Variants in BCAT1 observed in about 807,000 individuals in gnomAD.
The protein encoded by BCAT1 is branched-chain-amino-acid aminotransferase, cytosolic.
BCAT1 carries 48 observed loss-of-function variants against 52.4 expected under a neutral mutation model. The ratio of observed to expected loss-of-function variants is 0.92; its 90% confidence interval spans 0.73 to 1.16. BCAT1 has a LOEUF of 1.16. Ranked by LOEUF, BCAT1 falls within the 50% of genes most tolerant of loss-of-function variation. BCAT1 has a pLI of 0.00. For synonymous variants in BCAT1, 167 were observed against 161.3 expected (o/e 1.04, Z -0.27); for missense variants, 451 against 457.1 (o/e 0.99, Z 0.12).
intron 6 of BCAT1, among the ~76,000 whole-genome samples, chr12:24,848,012 C>T (rs368976006): frequency 9.9e-5 from 15 of 152,234 alleles, no homozygotes; most frequent in African/African-American, 2.4e-4. Flanking sequence ...TAGGAGGAGA[C>T]GGCCCTAGAA....
intron 9 of BCAT1, among the ~76,000 whole-genome samples, chr12:24,831,229 C>T (rs1028923650): frequency 1.3e-5 from 2 of 152,152 alleles, no homozygotes; most frequent in Non-Finnish European, 2.9e-5. Context: ...TCGTAACTTA[C>T]TTTATTGTAA....
intron 8 of BCAT1, among the ~76,000 whole-genome samples, chr12:24,833,293 C>A (rs891669991): frequency 2.0e-5 from 3 of 152,034 alleles, no homozygotes; most frequent in African/African-American, 7.3e-5. Context: ...CTGAGGCAGG[C>A]AGATTACTTG....
At position 24,825,463 on chromosome 12, in the gene BCAT1, GTTTT is replaced by G. The variant is rs71448089; in HGVS notation, c.1119+4356_1119+4359del. ...ATCCTCCCAGCATCTGTTATTGCCT[GTTTT>G]TTTTTTTTTTTTTAATACAAGCCAT... is the stretch of plus-strand genomic sequence containing the variant. On this transcript the variant is annotated intron_variant, in intron 10 of 10. Coordinates refer to ENST00000261192, the MANE Select transcript of BCAT1 (RefSeq NM_005504.7). 3.6e-3 allele frequency among the ~76,000 whole-genome samples: 537 copies of G among 147,526 alleles called. 3 individuals are homozygous for G. Among genetic ancestry groups the G allele is most frequent in the African/African-American group, 0.013 (504 of 40,132 alleles).
At chr12:24,895,450 C>T (rs556032351) in intron 2 of BCAT1, among the ~76,000 whole-genome samples, 82 of 151,188 alleles carry the variant, frequency 5.4e-4, no homozygotes, top group African/African-American at 1.8e-3. Context: ...CACTTGAACC[C>T]GGGAGGCGGA....
At chr12:24,884,059 T>C (rs547991596) in intron 3 of BCAT1, among the ~76,000 whole-genome samples, 2 of 152,336 alleles carry the variant, frequency 1.3e-5, no homozygotes, top group Admixed American at 1.3e-4. Context: ...CTCATGTTTA[T>C]TGTAGCATTA....
chr12:24,828,499 G>GA (rs992511573), intron 10 of BCAT1, among the ~76,000 whole-genome samples: 5 of 150,316 alleles, frequency 3.3e-5, no homozygotes, highest in South Asian at 2.1e-4. Context: ...CCATACTAGT[G>GA]AAAAAAAAAT....
At chr12:24,818,174 C>T (rs1939956683) in intron 10 of BCAT1, 125 bp from the exon 11 acceptor site, 1 of 865,290 alleles carries the variant, frequency 1.2e-6, no homozygotes, top group Non-Finnish European at 1.9e-6. Context: ...AACATTTTCA[C>T]ATTAAACATG....
At chr12:24,872,449 T>G (rs948743813) in intron 5 of BCAT1, among the ~76,000 whole-genome samples, 1 of 152,210 alleles carries the variant, frequency 6.6e-6, no homozygotes, top group Non-Finnish European at 1.5e-5. Flanking sequence ...ATGGGGAAAC[T>G]GCTTATGAGA....
intron 5 of BCAT1, among the ~76,000 whole-genome samples, chr12:24,878,329 T>C (rs970482795): frequency 4.6e-5 from 7 of 152,328 alleles, no homozygotes; most frequent in Admixed American, 3.3e-4. Flanking sequence ...AGAAACTATA[T>C]GGCCACAAAG....
upstream of BCAT1, chr12:24,949,262 C>A: frequency 2.2e-6 from 1 of 446,212 alleles, no homozygotes; most frequent in East Asian, 4.0e-5. Context: ...TGCTCACTCC[C>A]GGGGTGCAGG....
chr12:24,825,049 T>G (rs1315354970), intron 10 of BCAT1, among the ~76,000 whole-genome samples: 2 of 152,104 alleles, frequency 1.3e-5, no homozygotes, highest in Non-Finnish European at 2.9e-5. Flanking sequence ...TGGCCTCCAG[T>G]TCCATACATG....
chr12:24,848,701 A>T (rs1267921732), intron 6 of BCAT1, among the ~76,000 whole-genome samples: 1 of 152,222 alleles, frequency 6.6e-6, no homozygotes, highest in Non-Finnish European at 1.5e-5. Context: ...AAAAGAAATC[A>T]AGAGTCAAAA....
intron 5 of BCAT1, among the ~76,000 whole-genome samples, chr12:24,874,300 C>T (rs952765944): frequency 2.0e-5 from 3 of 151,956 alleles, no homozygotes; most frequent in African/African-American, 4.8e-5. Context: ...GGCAACCAAG[C>T]GAGACTCTAT....
chr12:24,946,349 T>C (rs1943932407), intron 1 of BCAT1, among the ~76,000 whole-genome samples: 1 of 152,112 alleles, frequency 6.6e-6, no homozygotes, highest in South Asian at 2.1e-4. Flanking sequence ...AGACAAAATT[T>C]ATATAAGTAG....
intron 5 of BCAT1, among the ~76,000 whole-genome samples, chr12:24,877,342 C>T (rs1220368691): frequency 2.0e-5 from 3 of 152,160 alleles, no homozygotes; most frequent in Admixed American, 2.0e-4. Flanking sequence ...ATCAATTATC[C>T]CTCAATATCA....
intron 6 of BCAT1, among the ~76,000 whole-genome samples, chr12:24,842,779 T>C (rs1388697866): frequency 6.6e-6 from 1 of 152,110 alleles, no homozygotes; most frequent in African/African-American, 2.4e-5. Flanking sequence ...ATGTTAAAAG[T>C]CTCGATGTTG....
At position 24,949,090 on chromosome 12, in the gene BCAT1, G is replaced by A. The variant is rs996453444; in HGVS notation, c.-158C>T. The A allele has an allele frequency of 1.5e-6, 1 of 667,978 alleles. No individual in the cohort carries two copies. Among genetic ancestry groups the A allele is most frequent in the Non-Finnish European group, 2.5e-6 (1 of 393,936 alleles). The allele number at this position is 667,978 out of a possible 1,614,324, so 41.4% of individuals were successfully genotyped here. A position where few individuals can be genotyped will look rare whatever the true frequency, so the allele number is the denominator to read the frequency against. ...CGAGGCGGCGGCGAGTACACGTGGC[G>A]GGCTGGATTGCAGACCGGCCCTCTC... On this transcript the variant is annotated 5_prime_UTR_variant, in exon 1 of 11. Transcript: ENST00000261192.
At chr12:24,873,981 A>G (rs1942254688) in intron 5 of BCAT1, among the ~76,000 whole-genome samples, 1 of 152,240 alleles carries the variant, frequency 6.6e-6, no homozygotes, top group South Asian at 2.1e-4. Context: ...GAACTGCACA[A>G]AAACATTAGT....
At chr12:24,921,868 C>T (rs1419260272) in intron 1 of BCAT1, among the ~76,000 whole-genome samples, 1 of 152,068 alleles carries the variant, frequency 6.6e-6, no homozygotes, top group Non-Finnish European at 1.5e-5. Context: ...TACACATTGG[C>T]TCTATAAATT....
Sources: gnomAD v4.1 joint callset for allele counts (sites outside exome capture counted in the v4.1 genomes callset) on GRCh38, gnomAD v4.1.1 for gene constraint, MANE v1.5 for transcripts, NCBI Gene and HGNC (gene_info 2026-07-23, HGNC 2026-07-21) for gene names.